The following PEAK1 variants were observed in gnomAD, a reference collection of about 807,000 sequenced individuals.
PEAK1 encodes inactive tyrosine-protein kinase PEAK1.
In PEAK1, 54 loss-of-function variants were observed where a neutral mutation model predicts 124.7. The ratio of observed to expected loss-of-function variants is 0.43; its 90% CI spans 0.35 to 0.54. PEAK1 has a LOEUF of 0.54. PEAK1 is among the 20% of genes least tolerant of loss of function. The pLI, the probability that PEAK1 is intolerant of heterozygous loss-of-function variation, is 0.01. For synonymous variants in PEAK1, 719 were observed against 760.0 expected (o/e 0.95, Z 0.89); for missense variants, 2,046 against 2,134.5 (o/e 0.96, Z 0.82).
In PEAK1 at chr15:77,130,615, C is replaced by G. The variant is rs113547653; in HGVS notation, c.4077+2390G>C. Among the ~76,000 whole-genome samples, 177 of 152,264 alleles carry G rather than the reference C, an allele frequency of 1.2e-3. 2 individuals carry two copies. Among genetic ancestry groups the G allele is most frequent in the African/African-American group, 4.1e-3 (171 of 41,548 alleles). ...AAGATACCATCTGGTCTTTCTAAGC[C>G]TAATTAACATGTAAAAGTCATTTAG... is the stretch of plus-strand genomic sequence containing the variant. On this transcript the variant is annotated intron_variant, in intron 9 of 9. Transcript: ENST00000682557.
At chr15:77,390,322 G>C (rs776714575) in intron 1 of PEAK1, among the ~76,000 whole-genome samples, 2 of 152,148 alleles carry the variant, frequency 1.3e-5, no homozygotes, top group Non-Finnish European at 2.9e-5. Context: ...AGCAATTCTG[G>C]AATTTTCAAA....
chr15:77,341,957 G>T (rs1442335765), intron 2 of PEAK1, among the ~76,000 whole-genome samples: 1 of 151,880 alleles, frequency 6.6e-6, no homozygotes, highest in African/African-American at 2.4e-5. Flanking sequence ...TTTTAGAACA[G>T]TTTTAGATTT....
chr15:77,154,652 C>T (rs1044340726), intron 8 of PEAK1, among the ~76,000 whole-genome samples: 1 of 152,154 alleles, frequency 6.6e-6, no homozygotes, highest in African/African-American at 2.4e-5. Flanking sequence ...TTTAGTGCTT[C>T]CTTCAGGAGC....
In PEAK1 at chr15:77,133,200, A is replaced by G. The variant is rs769160702; in HGVS notation, c.3882T>C (p.His1294=). 10 of 1,614,216 alleles carry G rather than the reference A, an allele frequency of 6.2e-6. No individual in the cohort carries two copies. Among genetic ancestry groups the G allele is most frequent in the Non-Finnish European group, 8.5e-6 (10 of 1,180,034 alleles). Residue 1294 remains histidine, a synonymous_variant, in exon 9 of 10, where the codon CAT becomes CAC. Coordinates refer to ENST00000682557, the MANE Select transcript of PEAK1 (RefSeq NM_001385026.1). The surrounding 1 kb of genome is among the most constrained non-coding windows in gnomAD (Gnocchi z 4.2). The part of the protein sequence containing the change: ...EEVVGKIRSL[H]TDALKKLAVK... Reference sequence around the variant, plus strand: ...CAGCCAGTTTCTTCAAGGCATCTGTATGAAGGCTTCGGATTTTACCCACTA... The same window carrying G: ...CAGCCAGTTTCTTCAAGGCATCTGTGTGAAGGCTTCGGATTTTACCCACTA...
At chr15:77,413,929 T>C (rs1418444574) in intron 1 of PEAK1, among the ~76,000 whole-genome samples, 1 of 152,072 alleles carries the variant, frequency 6.6e-6, no homozygotes, top group East Asian at 1.9e-4. Flanking sequence ...GCTCAAGTGA[T>C]CCTCTGACCT....
chr15:77,121,654 A>G (rs2051928692), intron 9 of PEAK1, among the ~76,000 whole-genome samples: 1 of 152,198 alleles, frequency 6.6e-6, no homozygotes, highest in African/African-American at 2.4e-5. Flanking sequence ...AAAGAAAGCA[A>G]TAATTACAAA....
intron 1 of PEAK1, among the ~76,000 whole-genome samples, chr15:77,409,408 G>A (rs2072212360): frequency 1.3e-5 from 2 of 152,136 alleles, no homozygotes; most frequent in Admixed American, 6.5e-5. Context: ...AAGGCACCAG[G>A]AAAGAAAGTG....
intron 6 of PEAK1, chr15:77,204,949 C>CA (rs1456909038): frequency 1.7e-5 from 3 of 181,338 alleles, no homozygotes; most frequent in African/African-American, 2.4e-5. Context: ...CAAAAAAGTT[C>CA]AAAAAAAGGG....
intron 6 of PEAK1, among the ~76,000 whole-genome samples, chr15:77,233,399 T>C (rs962644223): frequency 1.3e-4 from 20 of 152,334 alleles, no homozygotes; most frequent in African/African-American, 4.3e-4. Flanking sequence ...TTTCATATAG[T>C]TGATTACTCC....
chr15:77,267,300 T>C (rs1257784649), intron 5 of PEAK1, among the ~76,000 whole-genome samples: 2 of 152,104 alleles, frequency 1.3e-5, no homozygotes, highest in Non-Finnish European at 2.9e-5. Flanking sequence ...ACGAAGGATA[T>C]AGCCTCTTGA....
intron 7 of PEAK1, among the ~76,000 whole-genome samples, chr15:77,166,570 G>C (rs753776313): frequency 7.2e-5 from 11 of 152,172 alleles, no homozygotes; most frequent in Non-Finnish European, 1.5e-4. Flanking sequence ...TGCCCCGGGG[G>C]GGAATCCCAT....
intron 8 of PEAK1, among the ~76,000 whole-genome samples, chr15:77,150,756 T>C (rs1297142325): frequency 6.8e-6 from 1 of 147,520 alleles, no homozygotes; most frequent in Non-Finnish European, 1.5e-5. Flanking sequence ...AGTGAGAACA[T>C]GTGGTGTTTG....
intron 6 of PEAK1, among the ~76,000 whole-genome samples, chr15:77,224,704 G>A (rs2059550303): frequency 6.6e-6 from 1 of 152,034 alleles, no homozygotes; most frequent in Non-Finnish European, 1.5e-5. Context: ...GGAGTCCCCA[G>A]AATTTATAAT....
chr15:77,231,852 T>C (rs2059922378), intron 6 of PEAK1, among the ~76,000 whole-genome samples: 1 of 152,214 alleles, frequency 6.6e-6, no homozygotes, highest in African/African-American at 2.4e-5. Flanking sequence ...ACTACTGAAG[T>C]CTTGATAATC....
chr15:77,230,239 G>A (rs930176450), intron 6 of PEAK1, among the ~76,000 whole-genome samples: 1 of 150,624 alleles, frequency 6.6e-6, no homozygotes, highest in Admixed American at 6.6e-5. Flanking sequence ...TTGATCTGTT[G>A]CCCAGGCTGG....
intron 6 of PEAK1, among the ~76,000 whole-genome samples, chr15:77,212,010 A>G (rs1014383727): frequency 6.6e-6 from 1 of 152,124 alleles, no homozygotes; most frequent in Non-Finnish European, 1.5e-5. Flanking sequence ...TTATCCTTTT[A>G]TAAGACTCAT....
chr15:77,152,286 G>A (rs1190799200), intron 8 of PEAK1, among the ~76,000 whole-genome samples: 1 of 151,986 alleles, frequency 6.6e-6, no homozygotes, highest in Non-Finnish European at 1.5e-5. Flanking sequence ...TTGGCTCTCT[G>A]TTTGTCTGTT....
chr15:77,272,833 C>T (rs1347167244), intron 5 of PEAK1, among the ~76,000 whole-genome samples: 1 of 152,072 alleles, frequency 6.6e-6, no homozygotes, highest in Non-Finnish European at 1.5e-5. Context: ...AACCAATATC[C>T]CTGATGAACA....
chr15:77,162,982 T>C (rs1381572853), intron 7 of PEAK1, among the ~76,000 whole-genome samples: 5 of 152,192 alleles, frequency 3.3e-5, no homozygotes, highest in African/African-American at 1.2e-4. Context: ...AAGTGACAAA[T>C]GGCCCACTAA....
Sources: allele counts gnomAD v4.1 joint callset (sites outside exome capture counted in the v4.1 genomes callset), GRCh38; gene constraint gnomAD v4.1.1; non-coding constraint Gnocchi (gnomAD v3.1); transcripts MANE v1.5; gene names NCBI Gene and HGNC (gene_info 2026-07-23, HGNC 2026-07-21).